The following MYO1D variants were observed in gnomAD, a reference collection of about 807,000 sequenced individuals.
MYO1D encodes the protein unconventional myosin-Id.
Under a neutral mutation model 122.0 loss-of-function variants are expected in MYO1D, and 83 were observed. That is an observed-to-expected ratio of 0.68 (90% confidence interval 0.57 to 0.82). The LOEUF is 0.82. Among genes scored for constraint, MYO1D ranks in the 40% least tolerant of loss-of-function variants. The pLI is 0.00. For missense variants in MYO1D, 1,157 were observed against 1,269.5 expected, an observed-to-expected ratio of 0.91 and a Z score of 1.35; for synonymous variants, 464 against 446.9, an observed-to-expected ratio of 1.04 and a Z score of -0.48.
intron 16 of MYO1D, among the ~76,000 whole-genome samples, chr17:32,681,796 T>C: frequency 7.4e-6 from 1 of 135,646 alleles, no homozygotes; most frequent in Admixed American, 7.3e-5. Flanking sequence ...GTTCAATTCC[T>C]GGGTATCCTT....
In MYO1D at chr17:32,732,524, A is replaced by G. The variant is rs983263528; in HGVS notation, c.1746+5729T>C. Among the ~76,000 whole-genome samples, 4 of 152,232 alleles carry G rather than the reference A, an allele frequency of 2.6e-5. No individual in the cohort carries two copies. In the East Asian group the frequency reaches 7.7e-4, roughly 29 times the overall value. ...GACGACCTGCCTGCAGAGAGGAGCTAGCTTCATACTGCTGGTCTCCTCTAT... is the reference window on the plus strand; with the variant it reads ...GACGACCTGCCTGCAGAGAGGAGCTGGCTTCATACTGCTGGTCTCCTCTAT... On this transcript the variant is annotated intron_variant, in intron 14 of 21. Transcript: ENST00000318217.
chr17:32,736,229 G>T (rs1042115827), intron 14 of MYO1D, among the ~76,000 whole-genome samples: 1 of 151,946 alleles, frequency 6.6e-6, no homozygotes, highest in African/African-American at 2.4e-5. Flanking sequence ...AGATTGCTAG[G>T]CTAGTTCCCT....
In MYO1D at chr17:32,492,963, CCCT is replaced by C. The variant is rs1204166311; in HGVS notation, c.*1793_*1795del. On this transcript the variant is annotated 3_prime_UTR_variant, in exon 22 of 22. Transcript: ENST00000318217. ...TGGGAGGAAAGAACCCAAACCCAGG[CCCT>C]CCTCCTGCCCTCCAGCCTTTGACAG... 6.5e-6 allele frequency: 1 copy of C among 152,690 alleles called. No individual in the cohort carries two copies. Among genetic ancestry groups the C allele is most frequent in the East Asian group, 1.9e-4 (1 of 5,198 alleles). The allele number at this position is 152,690 out of a possible 1,614,324, so 9.5% of individuals were successfully genotyped here.
chr17:32,773,289 T>C (rs1241104558), intron 4 of MYO1D, among the ~76,000 whole-genome samples: 4 of 152,196 alleles, frequency 2.6e-5, no homozygotes, highest in Non-Finnish European at 5.9e-5. Flanking sequence ...TTCAGTTCCT[T>C]TCCTTTTCTG....
intron 16 of MYO1D, among the ~76,000 whole-genome samples, chr17:32,693,484 T>C (rs1050951679): frequency 3.9e-5 from 6 of 152,150 alleles, no homozygotes; most frequent in Non-Finnish European, 7.4e-5. Flanking sequence ...TAGCAAAGAA[T>C]AAAAGTGGTA....
At chr17:32,659,590 T>C (rs1051528571) in intron 16 of MYO1D, 1 of 522,564 alleles carries the variant, frequency 1.9e-6, no homozygotes, top group Admixed American at 3.2e-5. Flanking sequence ...AGCCTGAAGC[T>C]GAGTCCTGTT....
chr17:32,623,850 G>A (rs1217956461), intron 20 of MYO1D, among the ~76,000 whole-genome samples: 4 of 152,182 alleles, frequency 2.6e-5, no homozygotes, highest in African/African-American at 9.6e-5. Context: ...GCAAAAGGGC[G>A]AGGGTCTCTC....
At chr17:32,871,348 A>G (rs1243070769) in intron 1 of MYO1D, among the ~76,000 whole-genome samples, 6 of 152,220 alleles carry the variant, frequency 3.9e-5, no homozygotes, top group Non-Finnish European at 8.8e-5. Context: ...GACAGCCCCT[A>G]CAACAAAGTC....
At position 32,775,796 on chromosome 17, in the gene MYO1D, C is replaced by A. The variant is rs140141535; in HGVS notation, c.564+68G>T. On this transcript the variant is annotated intron_variant, in intron 4 of 21. Coordinates refer to ENST00000318217, the MANE Select transcript of MYO1D (RefSeq NM_015194.3). ...CTATTTTGAGTCAATAAAATAAATT[C>A]TATAAATATAATTTGTTTAAACATT... 1.3e-5 allele frequency: 17 copies of A among 1,283,354 alleles called. No homozygotes were observed. In the African/African-American group the frequency reaches 2.1e-4, roughly 16 times the overall value. The allele number at this position is 1,283,354 out of a possible 1,614,324, so 79.5% of individuals were successfully genotyped here.
chr17:32,662,990 T>A (rs2088590011), intron 16 of MYO1D, among the ~76,000 whole-genome samples: 1 of 150,550 alleles, frequency 6.6e-6, no homozygotes, highest in South Asian at 2.1e-4. Flanking sequence ...TGATCTTGGC[T>A]CACTGCAAGC....
chr17:32,738,455 C>T, intron 13 of MYO1D, 70 bp from the exon 14 acceptor site: 1 of 1,428,012 alleles, frequency 7.0e-7, no homozygotes, highest in Non-Finnish European at 9.4e-7. Flanking sequence ...ATAAGCAATT[C>T]TGCTGAAATG....
intron 20 of MYO1D, among the ~76,000 whole-genome samples, chr17:32,636,050 C>T (rs2088094513): frequency 6.6e-6 from 1 of 151,982 alleles, no homozygotes; most frequent in East Asian, 1.9e-4. Context: ...ATTCCATTTC[C>T]TTCAGTGATT....
chr17:32,775,187 G>C (rs1340708494), intron 4 of MYO1D, among the ~76,000 whole-genome samples: 1 of 152,132 alleles, frequency 6.6e-6, no homozygotes, highest in Non-Finnish European at 1.5e-5. Flanking sequence ...TGTGGTCCCA[G>C]CTACTCAGGA....
chr17:32,549,507 T>C (rs2086992635), intron 21 of MYO1D, among the ~76,000 whole-genome samples: 1 of 152,208 alleles, frequency 6.6e-6, no homozygotes, highest in Admixed American at 6.5e-5. Context: ...GCACTGACTT[T>C]CTAATTTACG....
intron 21 of MYO1D, among the ~76,000 whole-genome samples, chr17:32,501,571 G>A (rs747273353): frequency 6.6e-6 from 1 of 152,126 alleles, no homozygotes; most frequent in East Asian, 1.9e-4. Context: ...AGCCAATGGA[G>A]TCTCCATAAA....
chr17:32,844,326 T>C (rs1679979698), intron 1 of MYO1D, among the ~76,000 whole-genome samples: 1 of 146,956 alleles, frequency 6.8e-6, no homozygotes, highest in Admixed American at 6.9e-5. Flanking sequence ...ATATATTATA[T>C]AATATGTATA....
Position 32,780,724 on chromosome 17 carries a change from G to T in MYO1D, c.156C>A (p.Tyr52Ter). The change falls in exon 2 of 22, where the codon TAC becomes TAA. Residue 52 changes from tyrosine to a stop codon, truncating the protein, a stop_gained. Transcript: ENST00000318217. LOFTEE classifies it high-confidence loss of function. The stretch of plus-strand genomic sequence containing the variant: ...CTCTTCCATAGATGTTCAACAACTT[G>T]TAAGGGTTCACAGAAACGACGACTT... ...IGEVVVSVNP[Y>*]KLLNIYGRDT... 3.7e-6 allele frequency: 6 copies of T among 1,614,144 alleles called. No homozygotes were observed. Among genetic ancestry groups the T allele is most frequent in the Non-Finnish European group, 5.1e-6 (6 of 1,180,010 alleles).
chr17:32,596,534 C>T (rs1014989732), intron 21 of MYO1D, among the ~76,000 whole-genome samples: 1 of 152,342 alleles, frequency 6.6e-6, no homozygotes, highest in Non-Finnish European at 1.5e-5. Flanking sequence ...GTATGGGTCT[C>T]CCCATGGCTC....
At chr17:32,591,377 G>A (rs566191990) in intron 21 of MYO1D, among the ~76,000 whole-genome samples, 5 of 152,310 alleles carry the variant, frequency 3.3e-5, no homozygotes, top group African/African-American at 1.2e-4. Context: ...TTTCCTATCT[G>A]GAAGTGGGCA....
Sources: allele counts gnomAD v4.1 joint callset (sites outside exome capture counted in the v4.1 genomes callset), GRCh38; gene constraint gnomAD v4.1.1; transcripts MANE v1.5; gene names NCBI Gene and HGNC (gene_info 2026-07-23, HGNC 2026-07-21).